Variants in TJP3 observed in about 807,000 individuals in gnomAD.
TJP3 encodes tight junction protein 3.
TJP3 carries 85 observed loss-of-function variants against 104.2 expected under a neutral mutation model. That is an observed-to-expected ratio of 0.82 (90% confidence interval 0.68 to 0.98). The LOEUF (loss-of-function observed/expected upper bound fraction) is 0.98, where lower values mean the gene tolerates loss of function less well. Among genes scored for constraint, TJP3 ranks in the 50% least tolerant of loss-of-function variants. The probability of loss-of-function intolerance (pLI) is 0.00; values close to 1 mark genes in which losing one functional copy is unlikely to be tolerated. For synonymous variants in TJP3, 550 were observed against 550.6 expected (o/e 1.00, Z 0.02); for missense variants, 1,367 against 1,322.8 (o/e 1.03, Z -0.52).
chr19:3,736,035 G>A lies in TJP3; in HGVS notation c.1127+100G>A, dbSNP rs1157067217. 3.2e-6 allele frequency: 5 copies of A among 1,581,510 alleles called. No individual in the cohort carries two copies. The African/African-American group carries it at 6.8e-5, about 21-fold the overall frequency. Reference sequence around the variant, plus strand: ...TGCCTGCTTGTATCCATTGTGTTGAGTGGGACCATTAAGTGGGGGTTTTGG... The same window carrying A: ...TGCCTGCTTGTATCCATTGTGTTGAATGGGACCATTAAGTGGGGGTTTTGG... On this transcript the variant is annotated intron_variant, in intron 10 of 20. Transcript: ENST00000541714.
intron 1 of TJP3, among the ~76,000 whole-genome samples, chr19:3,716,801 A>ATATTTTTTT (rs1421328174): frequency 1.2e-5 from 1 of 81,972 alleles, no homozygotes; most frequent in African/African-American, 4.9e-5. Context: ...ATATATATAT[A>ATATTTTTTT]TTTTTTTTTT....
Position 3,728,472 on chromosome 19 carries a change from C to A in TJP3, c.40C>A (p.Leu14Met). The A allele has an allele frequency of 6.2e-7, 1 of 1,611,712 alleles. No homozygotes were observed. Among genetic ancestry groups the A allele is most frequent in the Non-Finnish European group, 8.5e-7 (1 of 1,179,120 alleles). ...LTIWEQHTAT[L>M]SKDPRRGFGI... ...CATCTGGGAACAGCACACGGCCACA[C>A]TGTCCAAGGTGAGGCCTCCCTCTCC... The change falls in exon 2 of 21, where the codon CTG becomes ATG. Residue 14 changes from leucine (L) to methionine (M), a missense_variant. Leu to Met is a conservative substitution (Grantham distance 15). Coordinates refer to ENST00000541714, the MANE Select transcript of TJP3 (RefSeq NM_001267560.2).
intron 18 of TJP3, among the ~76,000 whole-genome samples, chr19:3,747,114 A>G (rs1287165888): frequency 1.3e-5 from 2 of 151,970 alleles, no homozygotes; most frequent in Non-Finnish European, 2.9e-5. Context: ...AGGCTGGAGT[A>G]CAGTGGTGTG....
chr19:3,715,356 TG>T (rs1301653145), intron 1 of TJP3, among the ~76,000 whole-genome samples: 1 of 152,210 alleles, frequency 6.6e-6, no homozygotes, highest in Non-Finnish European at 1.5e-5. Flanking sequence ...CCCAAAGTGC[TG>T]GGATTACAGG....
rs2036889176 is a variant in TJP3 at position 3,746,428 on chromosome 19, C to T, written c.2011-57C>T. 5 of 1,571,050 alleles carry T rather than the reference C, an allele frequency of 3.2e-6. No individual in the cohort carries two copies. Among genetic ancestry groups the T allele is most frequent in the Non-Finnish European group, 4.4e-6 (5 of 1,146,892 alleles). On this transcript the variant is annotated intron_variant, in intron 16 of 20. Transcript: ENST00000541714. This position sits in a 1 kb window ranked among gnomAD's most constrained non-coding sequence, Gnocchi z 4.1. ...AGACTCTTCATCTTTCTATCTTTCT[C>T]TCTCTGTTTACCCTGCTGCAATCCC...
Position 3,747,887 on chromosome 19 carries a change from G to T in TJP3, c.2416G>T (p.Asp806Tyr). 1.2e-6 allele frequency: 2 copies of T among 1,613,218 alleles called. No homozygotes were observed. The highest frequency in any genetic ancestry group is 1.7e-6 in the Non-Finnish European group (2 of 1,179,942). ...CAGCTGCGACAGCCGCGTTAACAGC[G>T]ACTACGAGACGGACGGCGAGGGCGG... Reference protein sequence around the residue: ...DLSCDSRVNSDYETDGEGGAY... With the variant: ...DLSCDSRVNSYYETDGEGGAY... The change falls in exon 19 of 21, where the codon GAC (aspartate) becomes TAC (tyrosine). Residue 806 changes from aspartate to tyrosine, a missense_variant. Transcript: ENST00000541714.
chr19:3,738,794 C>T, intron 12 of TJP3, 103 bp from the exon 13 acceptor site: 1 of 1,355,816 alleles, frequency 7.4e-7, no homozygotes, highest in East Asian at 2.3e-5. Flanking sequence ...CTGGCCCCTA[C>T]AGGGAGAGTG....
intron 1 of TJP3, chr19:3,721,800 TC>T: frequency 3.0e-6 from 2 of 668,322 alleles, no homozygotes. Context: ...GCTGTGACTC[TC>T]CTCAGCCCCC....
chr19:3,709,222 A>C (rs1184981194), intron 1 of TJP3, among the ~76,000 whole-genome samples: 1 of 151,738 alleles, frequency 6.6e-6, no homozygotes, highest in Non-Finnish European at 1.5e-5. Flanking sequence ...CTGCCTCCCG[A>C]GTAGCTGGGA....
At chr19:3,749,618 G>C (rs1461905585) in intron 19 of TJP3, 1 of 153,886 alleles carries the variant, frequency 6.5e-6, no homozygotes, top group Non-Finnish European at 1.4e-5. Context: ...AGTGCTGGGA[G>C]TACAGGCGTG....
At chr19:3,738,701 G>A (rs373551480) in intron 12 of TJP3, 38 bp downstream of exon 12, 39 of 1,568,728 alleles carry the variant, frequency 2.5e-5, no homozygotes, top group Middle Eastern at 4.1e-4. Context: ...TGTGTGTTGC[G>A]GGGGGAGGAC....
intron 13 of TJP3, 132 bp from the exon 14 acceptor site, chr19:3,740,420 A>C (rs1214212803): frequency 4.6e-6 from 2 of 431,564 alleles, no homozygotes; most frequent in Non-Finnish European, 7.9e-6. Flanking sequence ...TAGTAATAAT[A>C]ATCCCATCTG....
chr19:3,717,244 C>T (rs1291043748), intron 1 of TJP3, among the ~76,000 whole-genome samples: 2 of 146,150 alleles, frequency 1.4e-5, no homozygotes, highest in Non-Finnish European at 3.1e-5. Flanking sequence ...GGATTACAGG[C>T]ACGAGCCACC....
At chr19:3,743,876 C>T (rs2036852758) in intron 14 of TJP3, 63 bp from the exon 15 acceptor site, 6 of 1,483,764 alleles carry the variant, frequency 4.0e-6, no homozygotes, top group Non-Finnish European at 5.6e-6. Context: ...GTTTGTACAA[C>T]ACACTAGCAG....
Position 3,734,436 on chromosome 19 carries a change from G to C in TJP3, c.986+1G>C, listed in dbSNP as rs201579834. The C allele has an allele frequency of 1.9e-6, 3 of 1,603,964 alleles. No homozygotes were observed. Among genetic ancestry groups the C allele is most frequent in the African/African-American group, 1.3e-5 (1 of 74,746 alleles). ...AGGCCAGCCAGACCGACTCTCCCGT[G>C]TAAGTATCACCCATCGGCCAGAATG... On this transcript the variant is annotated splice_donor_variant, in intron 8 of 20. Coordinates refer to ENST00000541714, the MANE Select transcript of TJP3 (RefSeq NM_001267560.2). LOFTEE classifies it high-confidence loss of function.
At chr19:3,710,678 G>C (rs2036425650) in intron 1 of TJP3, among the ~76,000 whole-genome samples, 1 of 152,118 alleles carries the variant, frequency 6.6e-6, no homozygotes, top group Admixed American at 6.6e-5. Context: ...CTGGGGGGAG[G>C]GGTCGCCCAG....
At chr19:3,742,018 A>G (rs2036828620) in intron 14 of TJP3, among the ~76,000 whole-genome samples, 3 of 150,930 alleles carry the variant, frequency 2.0e-5, no homozygotes, top group Admixed American at 6.6e-5. Context: ...TAGGGGACAG[A>G]AGGACAGGAA....
chr19:3,717,549 C>T (rs2036491797), intron 1 of TJP3, among the ~76,000 whole-genome samples: 1 of 151,922 alleles, frequency 6.6e-6, no homozygotes, highest in Non-Finnish European at 1.5e-5. Flanking sequence ...GATTCTCTTG[C>T]CTCAGCCTCC....
At chr19:3,733,354 T>G (rs1326702627) in intron 6 of TJP3, among the ~76,000 whole-genome samples, 1 of 152,192 alleles carries the variant, frequency 6.6e-6, no homozygotes, top group Non-Finnish European at 1.5e-5. Flanking sequence ...CTGTTTCTAG[T>G]TATCTCCCAG....
Sources: allele counts gnomAD v4.1 joint callset (sites outside exome capture counted in the v4.1 genomes callset), GRCh38; gene constraint gnomAD v4.1.1; non-coding constraint Gnocchi (gnomAD v3.1); transcripts MANE v1.5; gene names NCBI Gene and HGNC (gene_info 2026-07-23, HGNC 2026-07-21).